MAGOHB: variants seen among roughly 807,000 people sequenced by gnomAD.
MAGOHB encodes the protein protein mago nashi homolog 2.
Under a neutral mutation model 20.9 loss-of-function variants are expected in MAGOHB, and 15 were observed. That is an observed-to-expected ratio of 0.72 (90% CI 0.48 to 1.11). MAGOHB has a LOEUF of 1.11. MAGOHB is among the 50% of genes least tolerant of loss of function. The pLI is 0.00. For missense variants in MAGOHB, 162 were observed against 177.6 expected (o/e 0.91, Z 0.50); for synonymous variants, 50 against 57.9 (o/e 0.86, Z 0.62).
At chr12:10,600,746 TCCA>T, downstream of MAGOHB, among the ~76,000 whole-genome samples, 1 of 152,336 alleles carries the variant, frequency 6.6e-6, no homozygotes, top group Admixed American at 6.5e-5. Context: ...CTCATTGACT[TCCA>T]CTTTTATTGG....
chr12:10,605,057 C>G lies in MAGOHB; in HGVS notation c.*1218G>C, dbSNP rs1865600273. On this transcript the variant is annotated 3_prime_UTR_variant, in exon 5 of 5. Transcript: ENST00000320756. ...GTAAAAAAGATGTTAAGTATAGAAT[C>G]TAGGTAGGGGTAGGCATATAGGTGT... 6.6e-6 allele frequency: 1 copy of G among 152,112 alleles called. No individual in the cohort carries two copies. The highest frequency in any genetic ancestry group is 2.1e-4 in the South Asian group (1 of 4,830). The allele number at this position is 152,112 out of a possible 1,614,324, so 9.4% of individuals were successfully genotyped here.
At chr12:10,613,325 C>T (rs1865785325) in intron 1 of MAGOHB, 114 bp downstream of exon 1, 3 of 875,530 alleles carry the variant, frequency 3.4e-6, no homozygotes, top group Admixed American at 3.8e-5. Flanking sequence ...TATTCTTAAG[C>T]TCCTATTTCC....
chr12:10,608,520 T>C (rs1335099313), intron 3 of MAGOHB: 2 of 150,476 alleles, frequency 1.3e-5, no homozygotes, highest in African/African-American at 4.9e-5. Context: ...CCACTAATAA[T>C]GATGGTACTT....
intron 1 of MAGOHB, among the ~76,000 whole-genome samples, chr12:10,612,332 A>G (rs925943845): frequency 6.6e-6 from 1 of 152,078 alleles, no homozygotes; most frequent in African/African-American, 2.4e-5. Flanking sequence ...AGGGAGGGGG[A>G]GGTTGCAGTG....
downstream of MAGOHB, among the ~76,000 whole-genome samples, chr12:10,603,046 C>G (rs1865567832): frequency 3.3e-5 from 5 of 152,122 alleles, 1 homozygote; most frequent in South Asian, 1.0e-3. Flanking sequence ...ACTGAACTTC[C>G]TGGCTCTTAT....
intron 1 of MAGOHB, among the ~76,000 whole-genome samples, chr12:10,612,353 G>A (rs893576301): frequency 6.6e-6 from 1 of 152,024 alleles, no homozygotes; most frequent in African/African-American, 2.4e-5. Context: ...AGCTGAGATC[G>A]TGCCACTGCA....
chr12:10,606,783 C>T (rs1390423660), intron 4 of MAGOHB, among the ~76,000 whole-genome samples: 1 of 151,494 alleles, frequency 6.6e-6, no homozygotes, highest in East Asian at 1.9e-4. Context: ...AAAAAAAATT[C>T]CCTAGTAATT....
downstream of MAGOHB, among the ~76,000 whole-genome samples, chr12:10,603,975 TA>T (rs1354342856): frequency 2.0e-5 from 3 of 152,142 alleles, no homozygotes; most frequent in African/African-American, 7.2e-5. Flanking sequence ...ATATTTACAT[TA>T]AAAATATCCA....
At chr12:10,607,314 C>G (rs1865645853) in intron 4 of MAGOHB, among the ~76,000 whole-genome samples, 1 of 152,004 alleles carries the variant, frequency 6.6e-6, no homozygotes, top group Non-Finnish European at 1.5e-5. Context: ...AGTAAGAGCA[C>G]TATGGGGACA....
rs1865597335 is a variant in MAGOHB at position 10,604,906 on chromosome 12, A to G, written c.*1369T>C. The stretch of plus-strand genomic sequence containing the variant: ...TCTAGAGCTATACTGTCCAAACGGT[A>G]GCCGCTAGACACGTGGCTACCTAAA... On this transcript the variant is annotated 3_prime_UTR_variant, in exon 5 of 5. Coordinates refer to ENST00000320756, the MANE Select transcript of MAGOHB (RefSeq NM_018048.5). The G allele has an allele frequency of 6.6e-6, 1 of 152,220 alleles. No individual in the cohort carries two copies. The highest frequency in any genetic ancestry group is 1.5e-5 in the Non-Finnish European group (1 of 68,042). 9.4% of individuals were successfully genotyped at this position (152,220 alleles called of 1,614,324 possible).
rs190453651 is a variant in MAGOHB, at chr12:10,610,545, T to C, written c.153+77A>G. The C allele has an allele frequency of 3.3e-4, 452 of 1,381,440 alleles. 6 individuals are homozygous for C. In the South Asian group the frequency reaches 4.9e-3, roughly 15 times the overall value. 85.6% of individuals were successfully genotyped at this position (1,381,440 alleles called of 1,614,324 possible). A position where few individuals can be genotyped will look rare whatever the true frequency, so the allele number is the denominator to read the frequency against. ...TAGCCTTAGATGTACTTTTTTAAAT[T>C]CAACACAGACTTGAAGAAAATGGGC... On this transcript the variant is annotated intron_variant, in intron 2 of 4. Transcript: ENST00000320756.
At position 10,604,425 on chromosome 12, in the gene MAGOHB, T is replaced by C. The variant is rs1436134676; in HGVS notation, c.*1850A>G. ...ATCTTGGTTTAAATATGAGAAATTC[T>C]AGTAGATAGTGGGGATAGAGCTAAA... On this transcript the variant is annotated 3_prime_UTR_variant, in exon 5 of 5. Transcript: ENST00000320756. The C allele has an allele frequency of 6.6e-6, 1 of 152,234 alleles. No individual in the cohort carries two copies. The highest frequency in any genetic ancestry group is 1.5e-5 in the Non-Finnish European group (1 of 68,036). The allele number at this position is 152,234 out of a possible 1,614,324, so 9.4% of individuals were successfully genotyped here.
intron 2 of MAGOHB, 106 bp downstream of exon 2, chr12:10,610,516 A>C (rs1865706072): frequency 1.6e-6 from 2 of 1,283,120 alleles, no homozygotes; most frequent in Non-Finnish European, 2.1e-6. Flanking sequence ...TCTTCTTTAC[A>C]ATATAGCCTT....
At chr12:10,608,961 G>A (rs2120520845) in intron 3 of MAGOHB, 1 of 153,126 alleles carries the variant, frequency 6.5e-6, no homozygotes, top group East Asian at 1.9e-4. Flanking sequence ...GGCTCTCCCT[G>A]AGTCTAAATG....
At chr12:10,610,015 A>T in intron 2 of MAGOHB, 74 bp from the exon 3 acceptor site, 1 of 774,194 alleles carries the variant, frequency 1.3e-6, no homozygotes, top group East Asian at 2.8e-5. Context: ...AATGAGTTAC[A>T]AACCCTGAAT....
At chr12:10,609,367 G>A in intron 3 of MAGOHB, 1 of 441,410 alleles carries the variant, frequency 2.3e-6, no homozygotes, top group Non-Finnish European at 4.6e-6. Context: ...TCAGAAGCCT[G>A]AGAAACATCA....
At chr12:10,606,426 C>A in intron 4 of MAGOHB, 52 bp from the exon 5 acceptor site, 1 of 930,128 alleles carries the variant, frequency 1.1e-6, no homozygotes, top group Non-Finnish European at 1.6e-6. Context: ...TAAAACAATT[C>A]TTTAAATGCC....
In MAGOHB at chr12:10,607,867, C is replaced by A; in HGVS notation, c.334G>T (p.Val112Leu). The A allele has an allele frequency of 6.3e-7, 1 of 1,583,288 alleles. No individual in the cohort carries two copies. The highest frequency in any genetic ancestry group is 8.6e-7 in the Non-Finnish European group (1 of 1,159,020). The change falls in exon 4 of 5, where the codon GTA becomes TTA. Residue 112 changes from valine to leucine, a missense_variant. By Grantham distance (32) the Val-to-Leu change is conservative. Coordinates refer to ENST00000320756, the MANE Select transcript of MAGOHB (RefSeq NM_018048.5). ...TTSKIGSLID[V>L]NQSKDPEGLR... is the part of the protein sequence containing the mutation. ...TAACATACTTACTTTGACTGATTTA[C>A]ATCAATAAGAGAACCTATTTTTGAT...
downstream of MAGOHB, among the ~76,000 whole-genome samples, chr12:10,603,406 T>C (rs187171960): frequency 2.9e-3 from 440 of 152,224 alleles, 1 homozygote; most frequent in Admixed American, 6.8e-3. Flanking sequence ...GTAAAATACA[T>C]TCAAATGCTC....
Sources: gnomAD v4.1 joint callset for allele counts (sites outside exome capture counted in the v4.1 genomes callset) on GRCh38, gnomAD v4.1.1 for gene constraint, MANE v1.5 for transcripts, NCBI Gene and HGNC (gene_info 2026-07-23, HGNC 2026-07-21) for gene names.